KATNB1: variants seen among roughly 807,000 people sequenced by gnomAD.
The protein encoded by KATNB1 is katanin regulatory subunit B1.
In KATNB1, 38 loss-of-function variants were observed where a neutral mutation model predicts 82.3. The ratio of observed to expected loss-of-function variants is 0.46; its 90% CI spans 0.36 to 0.61. The LOEUF is 0.61. Among genes scored for constraint, KATNB1 ranks in the 20% least tolerant of loss-of-function variants. KATNB1 has a pLI of 0.00. For synonymous variants in KATNB1, 361 were observed against 368.7 expected, an observed-to-expected ratio of 0.98 and a Z score of 0.24; for missense variants, 749 against 915.7, an observed-to-expected ratio of 0.82 and a Z score of 2.35.
At chr16:57,740,952 C>A (rs911187773) in intron 2 of KATNB1, among the ~76,000 whole-genome samples, 4 of 152,250 alleles carry the variant, frequency 2.6e-5, no homozygotes, top group African/African-American at 9.6e-5. Context: ...CACGTAGGCG[C>A]GCTCTGAGGG....
intron 13 of KATNB1, 95 bp downstream of exon 13, chr16:57,754,090 G>A: frequency 2.8e-6 from 3 of 1,068,052 alleles, no homozygotes; most frequent in Non-Finnish European, 1.4e-6. Flanking sequence ...CCCTTCCCAG[G>A]ACCCTCCCCT....
chr16:57,755,205 G>A lies in KATNB1; in HGVS notation c.1383G>A (p.Glu461=). 1 of 1,611,874 alleles carries A rather than the reference G, an allele frequency of 6.2e-7. No homozygotes were observed. The highest frequency in any genetic ancestry group is 2.2e-5 in the East Asian group (1 of 44,872). The change falls in exon 15 of 20, where the codon GAG becomes GAA. Residue 461 remains glutamate (E), a synonymous_variant. Transcript: ENST00000379661. The stretch of plus-strand genomic sequence containing the variant: ...CCATCATCCCTGCCACCCGGAACGA[G>A]CCCATCGGGCTGAAGGCCTCCGACT... The part of the protein sequence containing the change: ...EPAIIPATRN[E]PIGLKASDFL...
At chr16:57,745,549 G>A (rs2049177527) in intron 4 of KATNB1, among the ~76,000 whole-genome samples, 1 of 140,478 alleles carries the variant, frequency 7.1e-6, no homozygotes, top group Non-Finnish European at 1.5e-5. Context: ...GGCAACAAGA[G>A]CGAAACTCCA....
At chr16:57,754,048 A>G in intron 13 of KATNB1, 53 bp downstream of exon 13, 1 of 1,468,516 alleles carries the variant, frequency 6.8e-7, no homozygotes, top group South Asian at 1.2e-5. Context: ...CCCGTCCCTC[A>G]TCTTCTCTTC....
In KATNB1 at chr16:57,751,690, G is replaced by T. The variant is rs1474529363; in HGVS notation, c.482G>T (p.Trp161Leu). 1.2e-6 allele frequency: 2 copies of T among 1,611,086 alleles called. No homozygotes were observed. The highest frequency in any genetic ancestry group is 2.7e-5 in the African/African-American group (2 of 75,052). ...RCLRFSPDGK[W>L]LASAADDHTV... is the part of the protein sequence containing the mutation. ...CTCCGGTTCAGCCCCGATGGGAAGT[G>T]GTTGGCGTCGGCCGCAGATGACCAC... The change falls in exon 7 of 20, where the codon TGG (tryptophan) becomes TTG (leucine). Residue 161 changes from tryptophan to leucine, a missense_variant. This residue lies in a region of KATNB1 where 247 missense variants were observed against 349.4 expected (regional missense o/e 0.71). Transcript: ENST00000379661. This position sits in a 1 kb window ranked among gnomAD's most constrained non-coding sequence, Gnocchi z 6.3.
In KATNB1 at chr16:57,753,959, C is replaced by T. The variant is rs782120659; in HGVS notation, c.1192C>T (p.Arg398Trp). The change falls in exon 13 of 20, where the codon CGG becomes TGG. Residue 398 changes from arginine (R) to tryptophan (W), a missense_variant. Physicochemically the swap from Arg to Trp is moderately radical, Grantham distance 101 (BLOSUM62 -3). Around this residue, in one of 3 missense-constraint regions of KATNB1, gnomAD observed 407 missense variants for 434.7 expected, o/e 0.94. Coordinates refer to ENST00000379661, the MANE Select transcript of KATNB1 (RefSeq NM_005886.3). ...TTCCTCTGCAGGTCGGACGCCACCC[C>T]GGAGAAGTGAGCCCTTCCCTGCACC... is the stretch of plus-strand genomic sequence containing the variant. ...PKNSISRTPP[R>W]RSEPFPAPPE... The T allele has an allele frequency of 8.1e-6, 13 of 1,613,434 alleles. No individual in the cohort carries two copies. Among genetic ancestry groups the T allele is most frequent in the African/African-American group, 2.7e-5 (2 of 74,880 alleles).
Position 57,737,173 on chromosome 16 carries a change from T to C in KATNB1, c.-71T>C, listed in dbSNP as rs558188216. On this transcript the variant is annotated 5_prime_UTR_variant, in exon 2 of 20. Transcript: ENST00000379661. ...CTTGATTGGTGGATCTGGGGGGGGATCCACCCCCACCCCACGAGGAAAGCA... is the reference window on the plus strand; with the variant it reads ...CTTGATTGGTGGATCTGGGGGGGGACCCACCCCCACCCCACGAGGAAAGCA... 11 of 1,560,238 alleles carry C rather than the reference T, an allele frequency of 7.1e-6. No homozygotes were observed. In the South Asian group the frequency reaches 1.2e-4, roughly 17 times the overall value.
intron 4 of KATNB1, 104 bp from the exon 5 acceptor site, chr16:57,750,723 T>C (rs1476492990): frequency 4.8e-6 from 4 of 824,918 alleles, no homozygotes; most frequent in Non-Finnish European, 6.4e-6. Context: ...TATTTTTCTG[T>C]GCAGCTAATC....
chr16:57,746,763 T>G (rs1246873388), intron 4 of KATNB1, among the ~76,000 whole-genome samples: 3 of 152,252 alleles, frequency 2.0e-5, no homozygotes, highest in African/African-American at 7.2e-5. Context: ...GCTGGAAATC[T>G]GGAAATTCAT....
chr16:57,744,783 G>T (rs1555580966), intron 4 of KATNB1, among the ~76,000 whole-genome samples: 1 of 129,516 alleles, frequency 7.7e-6, no homozygotes. Context: ...GCACGTGTGT[G>T]TGTGTGTGTG....
Position 57,741,669 on chromosome 16 carries a change from C to CTCTCCT in KATNB1, c.41-15_41-10dup. ...ATCGGGCCGCCCTGATGGCCTCTCCCTCTCCTTCCCTGTGTAGAAGAGATC... is the reference window on the plus strand; with the variant it reads ...ATCGGGCCGCCCTGATGGCCTCTCCCTCTCCTTCTCCTTCCCTGTGTAGAAGAGATC... On this transcript the variant is annotated splice_polypyrimidine_tract_variant and intron_variant, in intron 2 of 19. Coordinates refer to ENST00000379661, the MANE Select transcript of KATNB1 (RefSeq NM_005886.3). The CTCTCCT allele has an allele frequency of 6.2e-7, 1 of 1,606,492 alleles. No homozygotes were observed. The highest frequency in any genetic ancestry group is 8.5e-7 in the Non-Finnish European group (1 of 1,174,870).
rs781906608 is a variant in KATNB1 at position 57,744,471 on chromosome 16, G to A, written c.249G>A (p.Gln83=). 8.1e-6 allele frequency: 13 copies of A among 1,613,986 alleles called. No homozygotes were observed. The highest frequency in any genetic ancestry group is 1.0e-5 in the Non-Finnish European group (12 of 1,180,040). Residue 83 remains glutamine, a synonymous_variant, in exon 4 of 20, where the codon CAG becomes CAA. Coordinates refer to ENST00000379661, the MANE Select transcript of KATNB1 (RefSeq NM_005886.3). ...AGGAGCTCATCGTGGCCGGCTCTCA[G>A]TCGGGCTCCATCCGTGTCTGGGACC... ...TPEELIVAGS[Q]SGSIRVWDLE...
In KATNB1 at chr16:57,755,144, T is replaced by C; in HGVS notation, c.1322T>C (p.Val441Ala). ...CTGGAGGTCCTGCCCCGGCCCCCAG[T>C]GGTTGCTTCCACACCTGCACCCAAG... ...PNLEVLPRPP[V>A]VASTPAPKAE... The change falls in exon 15 of 20, where the codon GTG becomes GCG. Residue 441 changes from valine to alanine, a missense_variant. By Grantham distance (64) the Val-to-Ala change is moderately conservative. Coordinates refer to ENST00000379661, the MANE Select transcript of KATNB1 (RefSeq NM_005886.3). 1 of 1,612,684 alleles carries C rather than the reference T, an allele frequency of 6.2e-7. No individual in the cohort carries two copies.
intron 2 of KATNB1, among the ~76,000 whole-genome samples, chr16:57,740,588 G>A (rs1454201861): frequency 6.6e-6 from 1 of 152,384 alleles, no homozygotes; most frequent in African/African-American, 2.4e-5. Flanking sequence ...CCTGGCCTGT[G>A]TGGGGAGAAC....
chr16:57,754,043 C>T, intron 13 of KATNB1, 48 bp downstream of exon 13: 2 of 1,486,324 alleles, frequency 1.3e-6, no homozygotes, highest in Non-Finnish European at 1.9e-6. Flanking sequence ...GCCCCCCCGT[C>T]CCTCATCTTC....
chr16:57,754,012 T>C lies in KATNB1; in HGVS notation c.1228+17T>C. The C allele has an allele frequency of 6.2e-7, 1 of 1,611,632 alleles. No homozygotes were observed. The highest frequency in any genetic ancestry group is 1.1e-5 in the South Asian group (1 of 90,954). ...CAGAGGACGGTGAGTTGGGTGAGCC[T>C]GGTTTCCCAAGGTCTCTGATGCCCC... is the stretch of plus-strand genomic sequence containing the variant. On this transcript the variant is annotated intron_variant, in intron 13 of 19. Coordinates refer to ENST00000379661, the MANE Select transcript of KATNB1 (RefSeq NM_005886.3).
At position 57,744,430 on chromosome 16, in the gene KATNB1, C is replaced by T. The variant is rs782611537; in HGVS notation, c.208C>T (p.Arg70Cys). The change falls in exon 4 of 20, where the codon CGC (arginine) becomes TGC (cysteine). Residue 70 changes from arginine to cysteine, a missense_variant. By Grantham distance (180) the Arg-to-Cys change is radical. Around this residue, in one of 3 missense-constraint regions of KATNB1, gnomAD observed 247 missense variants for 349.4 expected, o/e 0.71. Coordinates refer to ENST00000379661, the MANE Select transcript of KATNB1 (RefSeq NM_005886.3). ...CCACACATCCCCAGTGGAGAGCGTC[C>T]GCCTCAACACCCCCGAGGAGCTCAT... ...TGHTSPVESVRLNTPEELIVA... is the reference protein window; with the variant it reads ...TGHTSPVESVCLNTPEELIVA... The T allele has an allele frequency of 2.9e-5, 47 of 1,613,908 alleles. 1 individual carries two copies. In the Admixed American group the frequency reaches 5.0e-4, roughly 17 times the overall value.
chr16:57,740,704 T>C (rs1280448591), intron 2 of KATNB1, among the ~76,000 whole-genome samples: 9 of 152,204 alleles, frequency 5.9e-5, no homozygotes, highest in Admixed American at 5.9e-4. Flanking sequence ...TGCGGAGTCC[T>C]CCGAGGCTCC....
At chr16:57,755,640 C>CCATCAT in intron 16 of KATNB1, 146 bp downstream of exon 16, 3 of 1,119,950 alleles carry the variant, frequency 2.7e-6, no homozygotes, top group Non-Finnish European at 2.5e-6. Context: ...TCTGTTTCCG[C>CCATCAT]CATCATCATC....
Sources: gnomAD v4.1 joint callset for allele counts (sites outside exome capture counted in the v4.1 genomes callset) on GRCh38, gnomAD v4.1.1 for gene constraint, gnomAD v4.1.1 regional missense constraint, Gnocchi (gnomAD v3.1) non-coding constraint, MANE v1.5 for transcripts, NCBI Gene and HGNC (gene_info 2026-07-23, HGNC 2026-07-21) for gene names.